The following TSEN15 variants were observed in gnomAD, a reference collection of about 807,000 sequenced individuals.
TSEN15 encodes the protein tRNA splicing endonuclease subunit 15, also known as tRNA-splicing endonuclease subunit Sen15.
A neutral mutation model predicts 20.5 loss-of-function variants in TSEN15; 10 were observed. That is an observed-to-expected ratio of 0.49 (90% CI 0.30 to 0.83). The LOEUF is 0.83. Ranked by LOEUF, TSEN15 falls within the 40% of genes least tolerant of loss-of-function variation. TSEN15 has a pLI of 0.06. For missense variants in TSEN15, 180 were observed against 218.6 expected (o/e 0.82, Z 1.11); for synonymous variants, 72 against 80.1 (o/e 0.90, Z 0.54).
intron 3 of TSEN15, among the ~76,000 whole-genome samples, chr1:184,086,255 G>A (rs185415347): frequency 6.6e-6 from 1 of 152,294 alleles, no homozygotes; most frequent in East Asian, 1.9e-4. Flanking sequence ...ATGGGAATTG[G>A]TTGGGGTTTC....
chr1:184,072,495 C>CAA (rs34615524), intron 4 of TSEN15, 197 bp downstream of exon 4: 400 of 520,772 alleles, frequency 7.7e-4, no homozygotes, highest in Admixed American at 1.8e-3. Context: ...GTTATTTTTG[C>CAA]AAAAAAAAAA....
At chr1:184,066,551 G>T (rs146311601) in intron 3 of TSEN15, among the ~76,000 whole-genome samples, 1 of 151,910 alleles carries the variant, frequency 6.6e-6, no homozygotes, top group Admixed American at 6.6e-5. Flanking sequence ...GACTACAGGC[G>T]CATACCACCA....
Position 184,067,924 on chromosome 1 carries a change from CAA to C in TSEN15, c.354-4216_354-4215del, listed in dbSNP as rs71130650. Among the ~76,000 whole-genome samples the C allele has an allele frequency of 4.8e-3, 263 of 54,804 alleles. 3 individuals carry two copies. The highest frequency in any genetic ancestry group is 9.4e-3 in the Middle Eastern group (1 of 106). 36.0% of individuals were successfully genotyped at this position (54,804 alleles called of 152,430 possible). A position where few individuals can be genotyped will look rare whatever the true frequency, so the allele number is the denominator to read the frequency against. On this transcript the variant is annotated intron_variant, in intron 3 of 4. Coordinates refer to ENST00000645668, the MANE Select transcript of TSEN15 (RefSeq NM_052965.4). ...GGTGACAGAGCGAGACTCTCTCTCT[CAA>C]AAAAAAAAAAAAAAAATATATATAT...
chr1:184,064,449 T>C (rs1246330506), intron 3 of TSEN15, among the ~76,000 whole-genome samples: 1 of 151,782 alleles, frequency 6.6e-6, no homozygotes, highest in East Asian at 1.9e-4. Flanking sequence ...TGGTGTGGCA[T>C]GGGTGGAGAA....
chr1:184,054,136 A>T (rs113629645), intron 1 of TSEN15, among the ~76,000 whole-genome samples: 8 of 152,318 alleles, frequency 5.3e-5, no homozygotes, highest in African/African-American at 1.9e-4. Context: ...AATCACTTAC[A>T]GTCATATATT....
intron 3 of TSEN15, chr1:184,093,669 A>T (rs1651397270): frequency 6.6e-6 from 1 of 152,220 alleles, no homozygotes; most frequent in South Asian, 2.1e-4. Flanking sequence ...AACAAAAAGC[A>T]GCTCTCACCT....
chr1:184,064,999 A>G (rs1267966093), intron 3 of TSEN15, among the ~76,000 whole-genome samples: 1 of 152,180 alleles, frequency 6.6e-6, no homozygotes, highest in Non-Finnish European at 1.5e-5. Flanking sequence ...AGACTCATAT[A>G]TGTAAGTGCC....
At chr1:184,066,167 G>A (rs1650648873) in intron 3 of TSEN15, among the ~76,000 whole-genome samples, 1 of 151,890 alleles carries the variant, frequency 6.6e-6, no homozygotes, top group Admixed American at 6.6e-5. Flanking sequence ...AAGGATATAA[G>A]GTCAGTGTTT....
intron 3 of TSEN15, among the ~76,000 whole-genome samples, chr1:184,087,975 G>A (rs1047957579): frequency 6.6e-6 from 1 of 152,162 alleles, no homozygotes; most frequent in African/African-American, 2.4e-5. Context: ...GAGCTTAGGG[G>A]AGACCTAAGC....
intron 4 of TSEN15, 94 bp from the exon 5 acceptor site, chr1:184,072,733 A>T (rs1253284564): frequency 2.0e-6 from 2 of 1,015,452 alleles, no homozygotes; most frequent in Non-Finnish European, 3.0e-6. Flanking sequence ...TTGTTGGTAT[A>T]ATTTGGATAA....
Position 184,072,833 on chromosome 1 carries a change from T to C in TSEN15, c.502T>C (p.Ser168Pro). ...TGATCTTTTTTTTTTCCAGAATATT[T>C]CTCTTAGAAGATGACATCCATGTTT... ...GFMLPDPQNI[S>P]LRR Residue 168 changes from serine (S) to proline (P), a missense_variant, in exon 5 of 5, where the codon TCT becomes CCT. This residue lies in a region of TSEN15 where 28 missense variants were observed against 28.7 expected (regional missense o/e 0.98). Transcript: ENST00000645668. 2 of 1,606,402 alleles carry C rather than the reference T, an allele frequency of 1.2e-6. No homozygotes were observed. Among genetic ancestry groups the C allele is most frequent in the Non-Finnish European group, 8.5e-7 (1 of 1,177,734 alleles).
At chr1:184,075,880 A>G (rs1376434434), downstream of TSEN15, among the ~76,000 whole-genome samples, 1 of 148,404 alleles carries the variant, frequency 6.7e-6, no homozygotes, top group African/African-American at 2.5e-5. Context: ...GTAGGGGTAG[A>G]TGGGGTGGGT....
chr1:184,092,653 T>C (rs1651380642), intron 3 of TSEN15, among the ~76,000 whole-genome samples: 1 of 152,210 alleles, frequency 6.6e-6, no homozygotes, highest in African/African-American at 2.4e-5. Context: ...GAGTTCAAAT[T>C]TGGTCTCTGG....
Position 184,054,391 on chromosome 1 carries a change from C to T in TSEN15, c.173C>T (p.Thr58Ile), listed in dbSNP as rs761187358. ...EMMELDIGDA[T>I]QVYVAFLVYL... is the part of the protein sequence containing the mutation. ...ATGGAATTAGATATAGGAGATGCCA[C>T]CCAAGTTTATGTAGCGTTCTTGGTT... The change falls in exon 2 of 5, where the codon ACC (threonine) becomes ATC (isoleucine). Residue 58 changes from threonine (T) to isoleucine (I), a missense_variant. By Grantham distance (89) the Thr-to-Ile change is moderately conservative. This residue lies in a region of TSEN15 where 76 missense variants were observed against 123.4 expected (regional missense o/e 0.62). Coordinates refer to ENST00000645668, the MANE Select transcript of TSEN15 (RefSeq NM_052965.4). 5 of 1,609,832 alleles carry T rather than the reference C, an allele frequency of 3.1e-6. No homozygotes were observed. Among genetic ancestry groups the T allele is most frequent in the Middle Eastern group, 1.7e-4 (1 of 6,056 alleles).
chr1:184,054,939 T>G (rs1210954657), intron 3 of TSEN15, 76 bp downstream of exon 3: 22 of 1,475,862 alleles, frequency 1.5e-5, no homozygotes, highest in Non-Finnish European at 1.8e-5. Flanking sequence ...GATGTAATAC[T>G]TTTAATGAAA....
intron 3 of TSEN15, among the ~76,000 whole-genome samples, chr1:184,065,710 G>A (rs972209297): frequency 2.6e-5 from 4 of 152,150 alleles, no homozygotes; most frequent in African/African-American, 9.7e-5. Flanking sequence ...GCACACAATG[G>A]CATCTCATTG....
intron 3 of TSEN15, among the ~76,000 whole-genome samples, chr1:184,089,075 C>T (rs1365369233): frequency 6.6e-6 from 1 of 152,186 alleles, no homozygotes; most frequent in Non-Finnish European, 1.5e-5. Context: ...CATGGGCGTA[C>T]TTGCCAGATA....
At chr1:184,071,549 A>G (rs574769399) in intron 3 of TSEN15, among the ~76,000 whole-genome samples, 2 of 152,114 alleles carry the variant, frequency 1.3e-5, no homozygotes, top group Admixed American at 1.3e-4. Context: ...TTTAGAATCA[A>G]GTTAGTATTA....
intron 1 of TSEN15, among the ~76,000 whole-genome samples, chr1:184,052,265 T>C (rs1650083841): frequency 6.6e-6 from 1 of 152,206 alleles, no homozygotes; most frequent in African/African-American, 2.4e-5. Flanking sequence ...ATGGATAAGA[T>C]CTAGGGGTCC....
Sources: gnomAD v4.1 joint callset for allele counts (sites outside exome capture counted in the v4.1 genomes callset) on GRCh38, gnomAD v4.1.1 for gene constraint, gnomAD v4.1.1 regional missense constraint, MANE v1.5 for transcripts, NCBI Gene and HGNC (gene_info 2026-07-23, HGNC 2026-07-21) for gene names.